Variants in NBAS observed in about 807,000 individuals in gnomAD.
NBAS encodes the protein NBAS subunit of NRZ tethering complex, also known as NAG/BC035112 fusion.
A neutral mutation model predicts 302.5 loss-of-function variants in NBAS; 219 were observed. The ratio of observed to expected loss-of-function variants is 0.72; its 90% confidence interval spans 0.65 to 0.81. The LOEUF (loss-of-function observed/expected upper bound fraction) is 0.81. Ranked by LOEUF, NBAS falls within the 30% of genes least tolerant of loss-of-function variation. The probability of loss-of-function intolerance (pLI) is 0.00; values close to 1 mark genes in which losing one functional copy is unlikely to be tolerated. For missense variants in NBAS, 2,932 were observed against 2,841.6 expected (o/e 1.03, Z -0.72); for synonymous variants, 1,118 against 1,021.6 (o/e 1.09, Z -1.80).
At chr2:15,468,313 C>A in intron 17 of NBAS, 69 bp downstream of exon 17, 2 of 1,563,604 alleles carry the variant, frequency 1.3e-6, no homozygotes, top group South Asian at 2.2e-5. Flanking sequence ...TTTACCCAGT[C>A]CAATGTCTCA....
chr2:14,949,625 G>C, the NBAS span, among the ~76,000 whole-genome samples: 2 of 152,204 alleles, frequency 1.3e-5, no homozygotes, highest in East Asian at 3.9e-4. Context: ...ATGAATGAAT[G>C]AACGGATAAA....
chr2:15,316,800 C>T (rs1671536064), intron 38 of NBAS, among the ~76,000 whole-genome samples: 1 of 152,220 alleles, frequency 6.6e-6, no homozygotes, highest in Admixed American at 6.5e-5. Context: ...GGGCAGGGCA[C>T]AGCTGAACAA....
the NBAS span, among the ~76,000 whole-genome samples, chr2:15,085,807 C>A: frequency 6.6e-6 from 1 of 152,180 alleles, no homozygotes; most frequent in Non-Finnish European, 1.5e-5. Flanking sequence ...GGTGCACACG[C>A]TGGGGGCAGT....
intron 44 of NBAS, among the ~76,000 whole-genome samples, chr2:15,246,842 T>C (rs1668114843): frequency 6.6e-6 from 1 of 152,176 alleles, no homozygotes; most frequent in Non-Finnish European, 1.5e-5. Flanking sequence ...GCCCTGCCCC[T>C]GGGTATGTCA....
chr2:15,081,461 T>A, the NBAS span, among the ~76,000 whole-genome samples: 5 of 152,182 alleles, frequency 3.3e-5, no homozygotes, highest in Non-Finnish European at 5.9e-5. Context: ...TTACTTACTA[T>A]GATTTTATAA....
the NBAS span, among the ~76,000 whole-genome samples, chr2:14,848,359 G>A: frequency 4.4e-4 from 62 of 139,876 alleles, no homozygotes; most frequent in Non-Finnish European, 8.2e-4. Context: ...CGAATATTGC[G>A]CTTTTCAGAC....
intron 6 of NBAS, 59 bp downstream of exon 6, chr2:15,551,434 C>A: frequency 8.9e-7 from 1 of 1,117,800 alleles, no homozygotes; most frequent in South Asian, 1.4e-5. Flanking sequence ...TTTTAAGAAA[C>A]ATTGGAAACC....
the NBAS span, among the ~76,000 whole-genome samples, chr2:14,991,759 AT>A: frequency 6.6e-6 from 1 of 152,218 alleles, no homozygotes; most frequent in African/African-American, 2.4e-5. Context: ...GACCTGCTGT[AT>A]GAGAATCTTC....
the NBAS span, among the ~76,000 whole-genome samples, chr2:15,082,836 G>A: frequency 8.5e-5 from 13 of 152,172 alleles, no homozygotes; most frequent in South Asian, 2.1e-4. Context: ...CCAGTTTACC[G>A]AAGAGGGAAC....
intron 44 of NBAS, among the ~76,000 whole-genome samples, chr2:15,251,995 C>A (rs1458037837): frequency 6.6e-6 from 1 of 152,160 alleles, no homozygotes; most frequent in Non-Finnish European, 1.5e-5. Flanking sequence ...GAAATGACAA[C>A]ATGAGGAAGC....
intron 47 of NBAS, among the ~76,000 whole-genome samples, chr2:15,228,930 A>G (rs1667255450): frequency 6.6e-6 from 1 of 152,164 alleles, no homozygotes; most frequent in South Asian, 2.1e-4. Flanking sequence ...TAGAGCAAAT[A>G]CCCATGTATT....
At chr2:15,100,765 T>C in the NBAS span, among the ~76,000 whole-genome samples, 1 of 152,188 alleles carries the variant, frequency 6.6e-6, no homozygotes, top group Non-Finnish European at 1.5e-5. Flanking sequence ...GAAATTCATG[T>C]ATCGAAGAGC....
the NBAS span, among the ~76,000 whole-genome samples, chr2:15,033,986 A>AAGG: frequency 2.8e-5 from 1 of 35,320 alleles, no homozygotes. Flanking sequence ...GAGGAAGAGG[A>AAGG]AGAAGAAGAA....
At chr2:15,322,358 G>T (rs564910152) in intron 38 of NBAS, among the ~76,000 whole-genome samples, 1 of 151,954 alleles carries the variant, frequency 6.6e-6, no homozygotes, top group Non-Finnish European at 1.5e-5. Context: ...TGCATGTTGT[G>T]CACATGTACC....
At chr2:15,541,792 CGGGA>C (rs1663843063) in intron 6 of NBAS, among the ~76,000 whole-genome samples, 1 of 101,572 alleles carries the variant, frequency 9.8e-6, no homozygotes, top group South Asian at 3.0e-4. Flanking sequence ...TCGCCCCGTC[CGGGA>C]GGGAGGTGGG....
At chr2:15,212,759 C>T (rs1410536876) in intron 48 of NBAS, among the ~76,000 whole-genome samples, 4 of 152,162 alleles carry the variant, frequency 2.6e-5, no homozygotes, top group African/African-American at 9.7e-5. Context: ...CTTCGCTTGG[C>T]TTTCATTCTT....
intron 35 of NBAS, among the ~76,000 whole-genome samples, chr2:15,338,708 C>CACACACAT (rs1672711066): frequency 6.7e-6 from 1 of 149,692 alleles, no homozygotes; most frequent in Non-Finnish European, 1.5e-5. Flanking sequence ...CACACACACA[C>CACACACAT]ACATCAAATT....
At chr2:15,406,116 C>CAAAAAAAAAAAAAAAAAAAAAAAA (rs772651880) in intron 25 of NBAS, among the ~76,000 whole-genome samples, 5 of 134,560 alleles carry the variant, frequency 3.7e-5, no homozygotes, top group Admixed American at 7.5e-5. Context: ...AAAAAAAAAA[C>CAAAAAAAAAAAAAAAAAAAAAAAA]AAAACAAAAA....
At chr2:15,431,719 A>G (rs1449485583) in intron 21 of NBAS, among the ~76,000 whole-genome samples, 4 of 152,204 alleles carry the variant, frequency 2.6e-5, no homozygotes, top group African/African-American at 9.6e-5. Flanking sequence ...CTACGGTCTG[A>G]GAGTGAGAAC....
Sources: gnomAD v4.1 joint callset for allele counts (sites outside exome capture counted in the v4.1 genomes callset) on GRCh38, gnomAD v4.1.1 for gene constraint, MANE v1.5 for transcripts, NCBI Gene and HGNC (gene_info 2026-07-23, HGNC 2026-07-21) for gene names.